TERF2: variants seen among roughly 807,000 people sequenced by gnomAD.
The protein encoded by TERF2 is telomeric repeat binding factor 2, also known as telomeric repeat-binding factor 2.
In TERF2, 16 loss-of-function variants were observed where a neutral mutation model predicts 56.1. The observed-to-expected ratio is 0.29, with a 90% CI of 0.19 to 0.43. The LOEUF is 0.43. Among genes scored for constraint, TERF2 ranks in the 20% least tolerant of loss-of-function variants. The pLI is 1.00. For synonymous variants in TERF2, 296 were observed against 282.1 expected (o/e 1.05, Z -0.50); for missense variants, 547 against 712.9 (o/e 0.77, Z 2.65).
chr16:69,358,031 GAGA>G (rs1396625345), intron 8 of TERF2, among the ~76,000 whole-genome samples: 10 of 150,672 alleles, frequency 6.6e-5, no homozygotes, highest in Admixed American at 2.0e-4. Context: ...TTGTTTGTTT[GAGA>G]AGGAGTCTCA....
chr16:69,367,693 G>A (rs550842516), intron 6 of TERF2, among the ~76,000 whole-genome samples: 60 of 152,302 alleles, frequency 3.9e-4, no homozygotes, highest in African/African-American at 1.3e-3. Context: ...GGGAAAAACT[G>A]TTAGGAGAGG....
At chr16:69,359,759 T>G (rs1395010252) in intron 8 of TERF2, among the ~76,000 whole-genome samples, 1 of 143,374 alleles carries the variant, frequency 7.0e-6, no homozygotes, top group Non-Finnish European at 1.5e-5. Flanking sequence ...TAGCTGGGAC[T>G]ACAGGCGCCT....
chr16:69,376,460 T>C (rs1447490954), intron 3 of TERF2, among the ~76,000 whole-genome samples: 2 of 152,156 alleles, frequency 1.3e-5, no homozygotes, highest in Admixed American at 6.6e-5. Flanking sequence ...GTAGTATGAA[T>C]CCAAATTTTT....
At chr16:69,370,450 C>CA in intron 5 of TERF2, 33 bp downstream of exon 5, 1 of 1,608,104 alleles carries the variant, frequency 6.2e-7, no homozygotes, top group Non-Finnish European at 8.5e-7. Flanking sequence ...CTCAAGGGCA[C>CA]ACCATGGTTA....
rs1351286398 is a variant in TERF2, at chr16:69,367,185, G to A, written c.962C>T (p.Pro321Leu). The change falls in exon 7 of 10, where the codon CCT becomes CTT. Residue 321 changes from proline to leucine, a missense_variant. Coordinates refer to ENST00000254942, the MANE Select transcript of TERF2 (RefSeq NM_005652.5). The part of the protein sequence containing the change: ...PREPARQLRN[P>L]PTTIGMMTLK... Reference sequence around the variant, plus strand: ...AGTCATCATTCCAATGGTGGTTGGAGGATTCCGTAGCTGCCTGCAAATCAA... The same window carrying A: ...AGTCATCATTCCAATGGTGGTTGGAAGATTCCGTAGCTGCCTGCAAATCAA... 7.5e-6 allele frequency: 12 copies of A among 1,607,574 alleles called. No homozygotes were observed. Among genetic ancestry groups the A allele is most frequent in the Non-Finnish European group, 9.4e-6 (11 of 1,175,138 alleles).
chr16:69,367,218 C>T lies in TERF2; in HGVS notation c.948-19G>A, dbSNP rs1295847655. On this transcript the variant is annotated intron_variant, in intron 6 of 9. Transcript: ENST00000254942. The stretch of plus-strand genomic sequence containing the variant: ...TAGCTGCCTGCAAATCAAGCATAGG[C>T]ACAAAGATGTTTTTCACCACTGATG... The T allele has an allele frequency of 1.9e-6, 3 of 1,579,768 alleles. No homozygotes were observed. Among genetic ancestry groups the T allele is most frequent in the Non-Finnish European group, 2.6e-6 (3 of 1,161,718 alleles).
chr16:69,382,016 T>C (rs933557804), intron 3 of TERF2, among the ~76,000 whole-genome samples: 20 of 152,232 alleles, frequency 1.3e-4, no homozygotes, highest in Admixed American at 7.2e-4. Flanking sequence ...ATTACTACCA[T>C]CTTGATCACG....
At position 69,366,929 on chromosome 16, in the gene TERF2, C is replaced by T. The variant is rs759833323; in HGVS notation, c.1218G>A (p.Leu406=). 4.7e-5 allele frequency: 76 copies of T among 1,614,118 alleles called. 1 individual carries two copies. The South Asian group carries it at 7.7e-4, about 16-fold the overall frequency. The stretch of plus-strand genomic sequence containing the variant: ...GCTCAGTACTCTGGCTGTCCTCCTC[C>T]AAGACCAATCTGCTTATTGTCATGC... ...NKRMTISRLV[L]EEDSQSTEPS... The change falls in exon 7 of 10, where the codon TTG becomes TTA. Residue 406 remains leucine, a synonymous_variant. Coordinates refer to ENST00000254942, the MANE Select transcript of TERF2 (RefSeq NM_005652.5).
intron 3 of TERF2, among the ~76,000 whole-genome samples, chr16:69,381,468 T>C (rs1479283570): frequency 6.6e-6 from 1 of 152,058 alleles, no homozygotes; most frequent in Non-Finnish European, 1.5e-5. Context: ...ATTTTAGTCA[T>C]ACTTCCTCTT....
At chr16:69,373,718 A>C (rs1049892477) in intron 3 of TERF2, among the ~76,000 whole-genome samples, 4 of 152,284 alleles carry the variant, frequency 2.6e-5, no homozygotes, top group Admixed American at 2.6e-4. Flanking sequence ...CTGTGGTCCC[A>C]GCTACTCGGG....
chr16:69,385,353 G>C (rs529758810), intron 2 of TERF2, 38 bp downstream of exon 2: 9 of 1,549,034 alleles, frequency 5.8e-6, no homozygotes, highest in South Asian at 1.1e-5. Context: ...AAAACCCTAC[G>C]CAAGTAAGCC....
intron 3 of TERF2, among the ~76,000 whole-genome samples, chr16:69,380,737 T>A (rs2013967229): frequency 6.6e-6 from 1 of 152,048 alleles, no homozygotes. Flanking sequence ...ACATCATGCA[T>A]TGGTCATCTG....
At chr16:69,371,039 G>A (rs2013554091) in intron 4 of TERF2, among the ~76,000 whole-genome samples, 1 of 151,166 alleles carries the variant, frequency 6.6e-6, no homozygotes, top group South Asian at 2.1e-4. Context: ...CACATGCATA[G>A]AGGATCTTTG....
At chr16:69,381,532 G>A (rs2014001366) in intron 3 of TERF2, among the ~76,000 whole-genome samples, 1 of 150,960 alleles carries the variant, frequency 6.6e-6, no homozygotes, top group Non-Finnish European at 1.5e-5. Flanking sequence ...CCAGGCTCGA[G>A]TACAGAGGTA....
intron 8 of TERF2, among the ~76,000 whole-genome samples, chr16:69,358,315 T>C (rs2142701651): frequency 6.6e-6 from 1 of 152,078 alleles, no homozygotes; most frequent in South Asian, 2.1e-4. Context: ...GCCCGGCTAA[T>C]TTTTGTATTT....
At chr16:69,361,245 A>G in intron 8 of TERF2, 159 bp downstream of exon 8, 1 of 634,104 alleles carries the variant, frequency 1.6e-6, no homozygotes, top group Non-Finnish European at 2.8e-6. Context: ...AAGGAAAAAA[A>G]AAAAAAAACT....
intron 7 of TERF2, chr16:69,366,586 C>T: frequency 1.8e-6 from 1 of 549,616 alleles, no homozygotes. Flanking sequence ...TCCATTCCCA[C>T]TCATGCCCTA....
At chr16:69,384,515 G>A (rs2014117476) in intron 3 of TERF2, 65 bp downstream of exon 3, 2 of 1,555,484 alleles carry the variant, frequency 1.3e-6, no homozygotes, top group Non-Finnish European at 1.7e-6. Context: ...TAAAGAGTAA[G>A]TGCTGTATCC....
chr16:69,357,138 C>T, intron 9 of TERF2, 82 bp from the exon 10 acceptor site: 1 of 1,444,076 alleles, frequency 6.9e-7, no homozygotes, highest in East Asian at 2.3e-5. Context: ...ATAAGGTAAA[C>T]TCAAGAATCC....
Sources: gnomAD v4.1 joint callset for allele counts (sites outside exome capture counted in the v4.1 genomes callset) on GRCh38, gnomAD v4.1.1 for gene constraint, MANE v1.5 for transcripts, NCBI Gene and HGNC (gene_info 2026-07-23, HGNC 2026-07-21) for gene names.